Variants in IK observed in about 807,000 individuals in gnomAD.
IK encodes the protein IK cytokine, also known as protein Red.
A neutral mutation model predicts 90.9 loss-of-function variants in IK; 47 were observed. The observed-to-expected ratio is 0.52, with a 90% CI of 0.41 to 0.66. IK has a LOEUF of 0.66. Among genes scored for constraint, IK ranks in the 30% least tolerant of loss-of-function variants. The probability of loss-of-function intolerance (pLI) is 0.00; values close to 1 mark genes in which losing one functional copy is unlikely to be tolerated. For synonymous variants in IK, 201 were observed against 227.5 expected, an observed-to-expected ratio of 0.88 and a Z score of 1.05; for missense variants, 385 against 709.3, an observed-to-expected ratio of 0.54 and a Z score of 5.19.
rs756254920 is a variant in IK at position 140,662,001 on chromosome 5, T to G, written c.1605T>G (p.Ile535Met). 1 of 1,605,644 alleles carries G rather than the reference T, an allele frequency of 6.2e-7. No homozygotes were observed. Residue 535 changes from isoleucine to methionine, a missense_variant, in exon 18 of 20, where the codon ATT becomes ATG. By Grantham distance (10) the Ile-to-Met change is conservative. Coordinates refer to ENST00000417647, the MANE Select transcript of IK (RefSeq NM_006083.4). Reference sequence around the variant, plus strand: ...AGCTTGATCGCCAGTGGAAGAAGATTAGTGCAGTAAGTAGGATGGCCCCTT... The same window carrying G: ...AGCTTGATCGCCAGTGGAAGAAGATGAGTGCAGTAAGTAGGATGGCCCCTT... ...KAELDRQWKK[I>M]SAIIEKRKKM...
chr5:140,658,812 A>T, intron 11 of IK, 36 bp downstream of exon 11: 1 of 1,602,168 alleles, frequency 6.2e-7, no homozygotes, highest in Non-Finnish European at 8.5e-7. Flanking sequence ...GATCAGAGGG[A>T]GGGGGTCTGT....
In IK at chr5:140,661,787, G is replaced by T. The variant is rs1480875935; in HGVS notation, c.1502+79G>T. 1.4e-6 allele frequency: 2 copies of T among 1,406,800 alleles called. No individual in the cohort carries two copies. The highest frequency in any genetic ancestry group is 2.8e-5 in the African/African-American group (2 of 70,356). 87.1% of individuals were successfully genotyped at this position (1,406,800 alleles called of 1,614,324 possible). ...GGAATAGTGCATATAAGGTTAGAGG[G>T]TGTGGTCTGGCTGAGATGTTCCCCA... On this transcript the variant is annotated intron_variant, in intron 17 of 19. Transcript: ENST00000417647. This position sits in a 1 kb window ranked among gnomAD's most constrained non-coding sequence, Gnocchi z 4.2.
chr5:140,650,766 A>G (rs1226002756), intron 2 of IK, among the ~76,000 whole-genome samples: 1 of 151,866 alleles, frequency 6.6e-6, no homozygotes, highest in Non-Finnish European at 1.5e-5. Context: ...TTTAGTAGAG[A>G]TGGGATATCA....
rs1450743028 is a variant in IK at position 140,652,141 on chromosome 5, A to G, written c.230A>G (p.Lys77Arg). ...GACCCAGCTGCACGAAGGAGGAAAA[A>G]GAAAAGGTGAAGGAAGGGTGAAGGG... ...DEDPAARRRK[K>R]KSYYAKLRQQ... The change falls in exon 4 of 20, where the codon AAG becomes AGG. Residue 77 changes from lysine to arginine, a missense_variant. This residue lies in a region of IK where 64 missense variants were observed against 144.6 expected (regional missense o/e 0.44). Transcript: ENST00000417647. 1 of 1,612,794 alleles carries G rather than the reference A, an allele frequency of 6.2e-7. No individual in the cohort carries two copies. Among genetic ancestry groups the G allele is most frequent in the Non-Finnish European group, 8.5e-7 (1 of 1,178,898 alleles).
chr5:140,654,078 G>A, intron 6 of IK, 26 bp downstream of exon 6: 4 of 1,331,146 alleles, frequency 3.0e-6, no homozygotes, highest in Non-Finnish European at 4.3e-6. Flanking sequence ...CAGGTGGGGA[G>A]TAATACTGTC....
rs1198648352 is a variant in IK, at chr5:140,654,711, A to G, written c.621A>G (p.Glu207=). The change falls in exon 8 of 20, where the codon GAA becomes GAG. Residue 207 remains glutamate, a synonymous_variant. Coordinates refer to ENST00000417647, the MANE Select transcript of IK (RefSeq NM_006083.4). Reference sequence around the variant, plus strand: ...ATGAGGATCCTGAAAATAAAATTGAATTTAAAACACGTCTGGGTGAGTACA... The same window carrying G: ...ATGAGGATCCTGAAAATAAAATTGAGTTTAAAACACGTCTGGGTGAGTACA... ...KKDEDPENKI[E]FKTRLGRNVY... 5.6e-6 allele frequency: 9 copies of G among 1,603,232 alleles called. No homozygotes were observed. The highest frequency in any genetic ancestry group is 3.4e-5 in the Admixed American group (2 of 59,348).
intron 2 of IK, among the ~76,000 whole-genome samples, chr5:140,649,350 A>AG (rs1757571947): frequency 6.6e-6 from 1 of 150,940 alleles, no homozygotes; most frequent in African/African-American, 2.4e-5. Context: ...CTGGGACTAC[A>AG]GGCATGTGCC....
At chr5:140,653,286 C>CTTT (rs58111764) in intron 5 of IK, 142 bp downstream of exon 5, 165 of 370,818 alleles carry the variant, frequency 4.4e-4, no homozygotes, top group Middle Eastern at 7.5e-4. Flanking sequence ...AAGGGCTGTT[C>CTTT]TTTTTTTTTT....
intron 5 of IK, among the ~76,000 whole-genome samples, chr5:140,653,690 C>T (rs1319211965): frequency 4.6e-5 from 7 of 150,664 alleles, no homozygotes; most frequent in East Asian, 1.9e-4. Context: ...CTGCAGCCTC[C>T]GCCTCCCATG....
At chr5:140,657,109 A>G (rs1757726312) in intron 9 of IK, among the ~76,000 whole-genome samples, 1 of 152,200 alleles carries the variant, frequency 6.6e-6, no homozygotes, top group Non-Finnish European at 1.5e-5. Context: ...AGGCTGAGGC[A>G]TGAGAATTGC....
chr5:140,657,877 A>G (rs1431876568), intron 10 of IK, among the ~76,000 whole-genome samples: 2 of 152,224 alleles, frequency 1.3e-5, no homozygotes, highest in African/African-American at 4.8e-5. Context: ...AGCATGAGGG[A>G]TGGAGAGTGG....
chr5:140,657,875 G>T (rs6888409), intron 10 of IK, among the ~76,000 whole-genome samples: 29,357 of 152,148 alleles, frequency 0.19, 3,342 homozygotes, highest in East Asian at 0.3. Context: ...GAAGCATGAG[G>T]GATGGAGAGT....
rs945174973 is a variant in IK, at chr5:140,648,331, A to G, written c.17-140A>G. 30 of 808,418 alleles carry G rather than the reference A, an allele frequency of 3.7e-5. No individual in the cohort carries two copies. In the Admixed American group the frequency reaches 5.1e-4, roughly 14 times the overall value. 50.1% of individuals were successfully genotyped at this position (808,418 alleles called of 1,614,324 possible). On this transcript the variant is annotated intron_variant, in intron 1 of 19. Transcript: ENST00000417647. The stretch of plus-strand genomic sequence containing the variant: ...CTCCCACAGCTTCTTGTAGTTTCCT[A>G]TTTCAGCACTTATTACATTGTGTTG...
chr5:140,660,923 T>A, intron 16 of IK, 108 bp downstream of exon 16: 1 of 776,146 alleles, frequency 1.3e-6, no homozygotes, highest in Non-Finnish European at 2.2e-6. Context: ...GGCCCCACCC[T>A]CCTTTAGCTG....
Position 140,661,861 on chromosome 5 carries a change from C to T in IK, c.1503-38C>T, listed in dbSNP as rs772572305. On this transcript the variant is annotated intron_variant, in intron 17 of 19. Transcript: ENST00000417647. The surrounding 1 kb of genome is among the most constrained non-coding windows in gnomAD (Gnocchi z 4.2). ...CTGGGAAAACCTCGCCACTGCTATG[C>T]AATCTCTGATGCATTCTTTCCCAAC... 2 of 1,547,246 alleles carry T rather than the reference C, an allele frequency of 1.3e-6. No homozygotes were observed. The highest frequency in any genetic ancestry group is 1.2e-5 in the South Asian group (1 of 85,460).
chr5:140,650,827 C>T (rs909751306), intron 2 of IK, among the ~76,000 whole-genome samples: 7 of 152,080 alleles, frequency 4.6e-5, no homozygotes, highest in African/African-American at 1.4e-4. Flanking sequence ...GATCCGCCTG[C>T]GTCAGCCTCC....
At chr5:140,648,030 G>T in intron 1 of IK, 106 bp downstream of exon 1, 2 of 1,052,552 alleles carry the variant, frequency 1.9e-6, no homozygotes, top group South Asian at 2.5e-5. Context: ...GTGTGTGTGT[G>T]TGTGTGTGTG....
chr5:140,648,320 T>G, intron 1 of IK, 151 bp from the exon 2 acceptor site: 1 of 770,988 alleles, frequency 1.3e-6, no homozygotes, highest in South Asian at 1.4e-5. Context: ...CACAGCTTCT[T>G]GTAGTTTCCT....
intron 9 of IK, among the ~76,000 whole-genome samples, chr5:140,656,817 G>T (rs562711753): frequency 6.6e-6 from 1 of 152,158 alleles, no homozygotes; most frequent in South Asian, 2.1e-4. Context: ...AATTATTACT[G>T]CCTATAGTCA....
Sources: gnomAD v4.1 joint callset for allele counts (sites outside exome capture counted in the v4.1 genomes callset) on GRCh38, gnomAD v4.1.1 for gene constraint, gnomAD v4.1.1 regional missense constraint, Gnocchi (gnomAD v3.1) non-coding constraint, MANE v1.5 for transcripts, NCBI Gene and HGNC (gene_info 2026-07-23, HGNC 2026-07-21) for gene names.